Variants in ALCAM observed in about 807,000 individuals in gnomAD.
The protein encoded by ALCAM is activated leukocyte cell adhesion molecule.
Under a neutral mutation model 70.9 loss-of-function variants are expected in ALCAM, and 30 were observed. That is an observed-to-expected ratio of 0.42 (90% confidence interval 0.32 to 0.57). The LOEUF (loss-of-function observed/expected upper bound fraction) is 0.57. ALCAM is among the 20% of genes least tolerant of loss of function. The probability of loss-of-function intolerance (pLI) is 0.11; values close to 1 mark genes in which losing one functional copy is unlikely to be tolerated. For synonymous variants in ALCAM, 249 were observed against 242.5 expected (o/e 1.03, Z -0.25); for missense variants, 591 against 695.1 (o/e 0.85, Z 1.68).
At chr3:105,419,562 A>G (rs1442119732) in intron 1 of ALCAM, among the ~76,000 whole-genome samples, 1 of 151,832 alleles carries the variant, frequency 6.6e-6, no homozygotes, top group Non-Finnish European at 1.5e-5. Context: ...ATGTTTCAAC[A>G]GTCATTTTGA....
At chr3:105,550,926 A>G (rs1384394984) in intron 12 of ALCAM, among the ~76,000 whole-genome samples, 1 of 151,636 alleles carries the variant, frequency 6.6e-6, no homozygotes, top group African/African-American at 2.4e-5. Flanking sequence ...TTGTCATTTA[A>G]TGTGAAATTG....
chr3:105,412,539 T>C (rs556119245), intron 1 of ALCAM, among the ~76,000 whole-genome samples: 2 of 152,254 alleles, frequency 1.3e-5, no homozygotes, highest in Admixed American at 1.3e-4. Context: ...ATCTTGTATT[T>C]GCACTTTTGC....
At chr3:105,464,582 A>G (rs994538637) in intron 1 of ALCAM, among the ~76,000 whole-genome samples, 10 of 151,364 alleles carry the variant, frequency 6.6e-5, no homozygotes, top group African/African-American at 2.4e-4. Flanking sequence ...TATGTTTTCT[A>G]CCATATAGAA....
intron 1 of ALCAM, among the ~76,000 whole-genome samples, chr3:105,410,439 G>A (rs1463965121): frequency 6.6e-6 from 1 of 151,944 alleles, no homozygotes; most frequent in African/African-American, 2.4e-5. Flanking sequence ...GTTCATGTAC[G>A]TGTGTATGTT....
At chr3:105,553,848 C>G (rs566200946) in intron 14 of ALCAM, among the ~76,000 whole-genome samples, 1 of 151,874 alleles carries the variant, frequency 6.6e-6, no homozygotes, top group Non-Finnish European at 1.5e-5. Context: ...TGATTTAAGG[C>G]AGTGATGTTT....
At chr3:105,531,747 A>G (rs1420724933) in intron 3 of ALCAM, among the ~76,000 whole-genome samples, 2 of 152,172 alleles carry the variant, frequency 1.3e-5, no homozygotes, top group Non-Finnish European at 2.9e-5. Context: ...TTCACTATTT[A>G]TAAAGCATTC....
intron 1 of ALCAM, among the ~76,000 whole-genome samples, chr3:105,498,499 A>ATGTGTG (rs5851461): frequency 2.6e-3 from 392 of 150,290 alleles, no homozygotes; most frequent in Admixed American, 7.6e-3. Flanking sequence ...AGCCTGCCAA[A>ATGTGTG]TGTGTGTGTG....
At chr3:105,543,422 T>G (rs937434157) in intron 8 of ALCAM, among the ~76,000 whole-genome samples, 6 of 151,772 alleles carry the variant, frequency 4.0e-5, no homozygotes, top group African/African-American at 1.4e-4. Flanking sequence ...AAAAAAAGTA[T>G]TTCAAGTAAA....
chr3:105,567,820 T>G (rs1300759812), intron 14 of ALCAM, among the ~76,000 whole-genome samples: 2 of 152,098 alleles, frequency 1.3e-5, no homozygotes, highest in Non-Finnish European at 2.9e-5. Flanking sequence ...ATTCAGTGTA[T>G]GTATTGTAAC....
chr3:105,527,352 C>T (rs979657265), intron 3 of ALCAM, among the ~76,000 whole-genome samples: 1 of 152,074 alleles, frequency 6.6e-6, no homozygotes, highest in Non-Finnish European at 1.5e-5. Flanking sequence ...GGAGAACTTA[C>T]TTTATGAGAT....
At chr3:105,458,136 G>T (rs1937558567) in intron 1 of ALCAM, among the ~76,000 whole-genome samples, 1 of 150,618 alleles carries the variant, frequency 6.6e-6, no homozygotes. Flanking sequence ...CTTAACACCT[G>T]CAACTAGGGG....
chr3:105,439,674 C>T (rs917555084), intron 1 of ALCAM, among the ~76,000 whole-genome samples: 7 of 152,132 alleles, frequency 4.6e-5, no homozygotes, highest in African/African-American at 1.7e-4. Context: ...AAGTGTTGAT[C>T]TGAAATCTAA....
chr3:105,446,751 CAAAG>C (rs1249088905), intron 1 of ALCAM, among the ~76,000 whole-genome samples: 1 of 151,884 alleles, frequency 6.6e-6, no homozygotes, highest in African/African-American at 2.4e-5. Context: ...ATAAGCAAGA[CAAAG>C]AAAGACAAAG....
Position 105,562,808 on chromosome 3 carries a change from AT to A in ALCAM, c.1665-9036del, listed in dbSNP as rs144802162. On this transcript the variant is annotated intron_variant, in intron 14 of 15. Coordinates refer to ENST00000306107, the MANE Select transcript of ALCAM (RefSeq NM_001627.4). Reference sequence around the variant, plus strand: ...TGTAAATTTTTAAATTAATTAATTCATTTTTTTTCTGTTTAAGACAGAGTTT... The same window carrying A: ...TGTAAATTTTTAAATTAATTAATTCATTTTTTTCTGTTTAAGACAGAGTTT... Among the ~76,000 whole-genome samples the A allele has an allele frequency of 5.9e-5, 9 of 151,834 alleles. No individual in the cohort carries two copies. The South Asian group carries it at 1.9e-3, about 32-fold the overall frequency.
In ALCAM at chr3:105,552,476, A is replaced by G; in HGVS notation, c.1555A>G (p.Arg519Gly). The stretch of plus-strand genomic sequence containing the variant: ...TTTCTTCTTTGTTGCAGATGAAAAC[A>G]GAGAAAAGGTGAATGACCAGGCAAA... ...DEADEISDEN[R>G]EKVNDQAKLI... Residue 519 changes from arginine to glycine, a missense_variant, in exon 14 of 16, where the codon AGA (arginine) becomes GGA (glycine). Arg to Gly is a moderately radical substitution (Grantham distance 125). Around this residue, in one of 2 missense-constraint regions of ALCAM, gnomAD observed 164 missense variants for 244.7 expected, o/e 0.67. Transcript: ENST00000306107. 1 of 1,611,626 alleles carries G rather than the reference A, an allele frequency of 6.2e-7. No individual in the cohort carries two copies. The highest frequency in any genetic ancestry group is 8.5e-7 in the Non-Finnish European group (1 of 1,178,232).
intron 1 of ALCAM, among the ~76,000 whole-genome samples, chr3:105,441,655 A>G (rs1576165035): frequency 6.6e-6 from 1 of 152,164 alleles, no homozygotes; most frequent in African/African-American, 2.4e-5. Context: ...AGTATTCCAT[A>G]CCCTTCATAA....
intron 1 of ALCAM, among the ~76,000 whole-genome samples, chr3:105,408,405 A>G (rs574760141): frequency 2.0e-5 from 3 of 152,186 alleles, no homozygotes; most frequent in Admixed American, 6.6e-5. Context: ...CCAAATATTT[A>G]CATCCAACTG....
At chr3:105,556,433 A>G (rs1168584779) in intron 14 of ALCAM, among the ~76,000 whole-genome samples, 1 of 152,016 alleles carries the variant, frequency 6.6e-6, no homozygotes, top group East Asian at 1.9e-4. Flanking sequence ...TATGGAACTC[A>G]AGACTATTTT....
At chr3:105,525,977 T>C (rs1273091888) in intron 3 of ALCAM, among the ~76,000 whole-genome samples, 3 of 152,218 alleles carry the variant, frequency 2.0e-5, no homozygotes, top group Non-Finnish European at 4.4e-5. Context: ...TTCTTCTATT[T>C]CACTTTCATG....
Sources: allele counts gnomAD v4.1 joint callset (sites outside exome capture counted in the v4.1 genomes callset), GRCh38; gene constraint gnomAD v4.1.1; regional missense constraint gnomAD v4.1.1; transcripts MANE v1.5; gene names NCBI Gene and HGNC (gene_info 2026-07-23, HGNC 2026-07-21).